The following LYPD6B variants were observed in gnomAD, a reference collection of about 807,000 sequenced individuals.
LYPD6B encodes LY6/PLAUR domain containing 6B, also known as ly6/PLAUR domain-containing protein 6B.
In LYPD6B, 17 loss-of-function variants were observed where a neutral mutation model predicts 22.8. The observed-to-expected ratio is 0.75, with a 90% confidence interval of 0.51 to 1.12. The LOEUF is 1.12. Among genes scored for constraint, LYPD6B ranks in the 50% most tolerant of loss-of-function variants. The pLI is 0.00. For synonymous variants in LYPD6B, 106 were observed against 91.6 expected (o/e 1.16, Z -0.90); for missense variants, 221 against 258.3 (o/e 0.86, Z 0.99).
chr2:149,096,556 T>C (rs1425683816), intron 1 of LYPD6B, among the ~76,000 whole-genome samples: 1 of 152,252 alleles, frequency 6.6e-6, no homozygotes, highest in Non-Finnish European at 1.5e-5. Flanking sequence ...AATATTAATA[T>C]GGAAATGAGT....
intron 1 of LYPD6B, among the ~76,000 whole-genome samples, chr2:149,051,197 G>A (rs568610441): frequency 9.9e-5 from 15 of 151,130 alleles, no homozygotes; most frequent in African/African-American, 2.9e-4. Context: ...ATGGAGTCTC[G>A]CTCTGTTGCC....
intron 1 of LYPD6B, among the ~76,000 whole-genome samples, chr2:149,126,615 G>A (rs1451766250): frequency 6.6e-6 from 1 of 152,184 alleles, no homozygotes; most frequent in East Asian, 1.9e-4. Flanking sequence ...TCTCAAGGGT[G>A]GGAGAGGCAG....
In LYPD6B at chr2:149,103,528, A is replaced by G. The variant is rs563301712; in HGVS notation, c.-66-27355A>G. Among the ~76,000 whole-genome samples, 7 of 152,268 alleles carry G rather than the reference A, an allele frequency of 4.6e-5. No homozygotes were observed. In the South Asian group the frequency reaches 8.3e-4, roughly 18 times the overall value. ...AATAAACTGTACATATTTAAAGTGT[A>G]CAGTTTGCTAAGTTTGGACATATGT... On this transcript the variant is annotated intron_variant, in intron 1 of 6. Transcript: ENST00000409642.
At chr2:149,114,068 C>T (rs1435826154) in intron 1 of LYPD6B, among the ~76,000 whole-genome samples, 2 of 152,244 alleles carry the variant, frequency 1.3e-5, no homozygotes, top group African/African-American at 4.8e-5. Flanking sequence ...GGAAGGGAAT[C>T]TGTGGACAGA....
intron 2 of LYPD6B, among the ~76,000 whole-genome samples, chr2:149,155,621 G>C (rs767559756): frequency 2.5e-4 from 38 of 152,334 alleles, no homozygotes; most frequent in Admixed American, 7.2e-4. Context: ...GGAGTCTAAT[G>C]GATCTGGAAC....
At chr2:149,123,085 A>G (rs1421629493) in intron 1 of LYPD6B, among the ~76,000 whole-genome samples, 1 of 152,208 alleles carries the variant, frequency 6.6e-6, no homozygotes, top group African/African-American at 2.4e-5. Flanking sequence ...AAGGTTTCAC[A>G]GTAGTTCCAG....
At chr2:149,101,336 A>T (rs1180499367) in intron 1 of LYPD6B, 2 of 152,280 alleles carry the variant, frequency 1.3e-5, no homozygotes, top group Non-Finnish European at 2.9e-5. Flanking sequence ...CCCCTTCTGC[A>T]TCCCTGTATT....
chr2:149,153,177 T>C (rs1295702922), intron 2 of LYPD6B, among the ~76,000 whole-genome samples: 1 of 152,194 alleles, frequency 6.6e-6, no homozygotes, highest in Non-Finnish European at 1.5e-5. Context: ...CGGGTTGAGA[T>C]AAGGGCTTCT....
Position 149,058,616 on chromosome 2 carries a change from C to T in LYPD6B, c.-67+19815C>T, listed in dbSNP as rs143340188. Among the ~76,000 whole-genome samples, 402 of 152,238 alleles carry T rather than the reference C, an allele frequency of 2.6e-3. 2 individuals carry two copies. The highest frequency in any genetic ancestry group is 4.6e-3 in the Non-Finnish European group (313 of 68,012). On this transcript the variant is annotated intron_variant, in intron 1 of 6. Transcript: ENST00000409642. ...GACTCTAGAAACAGTCCATTTCACT[C>T]TTTTATTTTATTTTATTTTTGAGAT... is the stretch of plus-strand genomic sequence containing the variant.
intron 1 of LYPD6B, among the ~76,000 whole-genome samples, chr2:149,066,068 G>T (rs1684312696): frequency 6.6e-6 from 1 of 151,970 alleles, no homozygotes; most frequent in Admixed American, 6.6e-5. Flanking sequence ...TAGTTCAGTG[G>T]CCCATGGCAC....
chr2:149,106,998 C>G (rs1421571103), intron 1 of LYPD6B, among the ~76,000 whole-genome samples: 9 of 152,062 alleles, frequency 5.9e-5, no homozygotes, highest in Non-Finnish European at 8.8e-5. Context: ...CCTATATACA[C>G]TATGTTTTTC....
intron 3 of LYPD6B, among the ~76,000 whole-genome samples, chr2:149,198,578 C>T (rs1239371453): frequency 2.0e-5 from 3 of 152,278 alleles, no homozygotes; most frequent in Non-Finnish European, 4.4e-5. Flanking sequence ...TGTATTAATT[C>T]ATGATTAGAT....
chr2:149,128,587 T>C lies in LYPD6B; in HGVS notation c.-66-2296T>C, dbSNP rs188330033. ...CTTTAGTGTTTTTGTCTCACCTGGA[T>C]AGAGACTATTGAAAGAAATGTGTAA... is the stretch of plus-strand genomic sequence containing the variant. On this transcript the variant is annotated intron_variant, in intron 1 of 6. Transcript: ENST00000409642. Among the ~76,000 whole-genome samples the C allele has an allele frequency of 6.6e-5, 10 of 152,342 alleles. No individual in the cohort carries two copies. In the East Asian group the frequency reaches 1.7e-3, roughly 26 times the overall value.
At chr2:149,079,598 T>C (rs981142032) in intron 1 of LYPD6B, among the ~76,000 whole-genome samples, 3 of 152,208 alleles carry the variant, frequency 2.0e-5, no homozygotes, top group African/African-American at 7.2e-5. Flanking sequence ...TAAAATGCCA[T>C]TTCTATTCGT....
At chr2:149,168,402 G>A (rs961988818) in intron 3 of LYPD6B, among the ~76,000 whole-genome samples, 3 of 151,972 alleles carry the variant, frequency 2.0e-5, no homozygotes, top group Admixed American at 6.6e-5. Context: ...CTTCTTTAAA[G>A]CTTGTTATCA....
At chr2:149,214,458 T>C in intron 6 of LYPD6B, 88 bp from the exon 7 acceptor site, 1 of 1,393,458 alleles carries the variant, frequency 7.2e-7, no homozygotes, top group African/African-American at 1.4e-5. Flanking sequence ...CAGATAGAGC[T>C]CAAGAAGCCT....
chr2:149,092,427 A>G (rs1685699522), intron 1 of LYPD6B, among the ~76,000 whole-genome samples: 1 of 152,328 alleles, frequency 6.6e-6, no homozygotes, highest in South Asian at 2.1e-4. Flanking sequence ...CGATCTTTAT[A>G]AAACAAGACA....
chr2:149,077,624 G>A (rs1435875052), intron 1 of LYPD6B: 1 of 152,098 alleles, frequency 6.6e-6, no homozygotes, highest in Non-Finnish European at 1.5e-5. Flanking sequence ...TTCATGTATA[G>A]TATCTTGTTC....
In LYPD6B at chr2:149,077,117, A is replaced by T. The variant is rs532399527; in HGVS notation, c.-67+38316A>T. On this transcript the variant is annotated intron_variant, in intron 1 of 6. Transcript: ENST00000409642. The stretch of plus-strand genomic sequence containing the variant: ...CTGCTGTCTGTTAGAATGCATGGCC[A>T]TGGACGACTTGGTGACCAGTGGCCT... Among the ~76,000 whole-genome samples the T allele has an allele frequency of 3.3e-4, 51 of 152,364 alleles. No individual in the cohort carries two copies. In the South Asian group the frequency reaches 0.01, roughly 30 times the overall value.
Sources: allele counts gnomAD v4.1 joint callset (sites outside exome capture counted in the v4.1 genomes callset), GRCh38; gene constraint gnomAD v4.1.1; transcripts MANE v1.5; gene names NCBI Gene and HGNC (gene_info 2026-07-23, HGNC 2026-07-21).